Variants in KCTD8 observed in about 807,000 individuals in gnomAD.
The protein encoded by KCTD8 is BTB/POZ domain-containing protein KCTD8.
Under a neutral mutation model 31.5 loss-of-function variants are expected in KCTD8, and 27 were observed. That is an observed-to-expected ratio of 0.86 (90% CI 0.63 to 1.18). KCTD8 has a LOEUF of 1.18. Among genes scored for constraint, KCTD8 ranks in the 50% most tolerant of loss-of-function variants. The pLI is 0.00. For missense variants in KCTD8, 658 were observed against 647.7 expected (o/e 1.02, Z -0.17); for synonymous variants, 290 against 280.0 (o/e 1.04, Z -0.36).
At chr4:44,340,283 A>C (rs958493782) in intron 1 of KCTD8, among the ~76,000 whole-genome samples, 6 of 151,572 alleles carry the variant, frequency 4.0e-5, no homozygotes, top group African/African-American at 1.5e-4. Context: ...TAAAAGTTGG[A>C]GGCAACTTAC....
At chr4:44,351,915 C>G (rs964067082) in intron 1 of KCTD8, among the ~76,000 whole-genome samples, 13 of 152,078 alleles carry the variant, frequency 8.5e-5, no homozygotes, top group African/African-American at 2.9e-4. Flanking sequence ...TTAACTGTCA[C>G]AGCAGGCACA....
At chr4:44,316,795 G>GAAAAAAAAAAAAAAAAA (rs71188270) in intron 1 of KCTD8, among the ~76,000 whole-genome samples, 1 of 40,328 alleles carries the variant, frequency 2.5e-5, no homozygotes, top group Non-Finnish European at 6.5e-5. Context: ...CTAAAAATAC[G>GAAAAAAAAAAAAAAAAA]AAAAAAAAAA....
rs982321538 is a variant in KCTD8, at chr4:44,268,507, C to T, written c.962-93257G>A. 6.0e-4 allele frequency among the ~76,000 whole-genome samples: 92 copies of T among 152,210 alleles called. 1 individual carries two copies. The highest frequency in any genetic ancestry group is 2.2e-3 in the African/African-American group (90 of 41,528). On this transcript the variant is annotated intron_variant, in intron 1 of 1. Transcript: ENST00000360029. ...ACAAGACAGGGATGCCCTCTCTCAC[C>T]ACTCCTATTCAACACAGTATTGGAA...
At position 44,367,539 on chromosome 4, in the gene KCTD8, G is replaced by T. The variant is rs1719672701; in HGVS notation, c.961+80024C>A. On this transcript the variant is annotated intron_variant, in intron 1 of 1. Coordinates refer to ENST00000360029, the MANE Select transcript of KCTD8 (RefSeq NM_198353.3). ...TATAAAGAAGTACTTTCAAATACCA[G>T]AAAAATTAGAGTAAAAGGTATTTCC... Among the ~76,000 whole-genome samples, 3 of 152,034 alleles carry T rather than the reference G, an allele frequency of 2.0e-5. No homozygotes were observed. In the South Asian group the frequency reaches 6.2e-4, roughly 32 times the overall value.
At chr4:44,197,427 G>C (rs567602702) in intron 1 of KCTD8, among the ~76,000 whole-genome samples, 1 of 152,198 alleles carries the variant, frequency 6.6e-6, no homozygotes, top group Non-Finnish European at 1.5e-5. Flanking sequence ...ATCTGGGGAG[G>C]GGGTCATATC....
intron 1 of KCTD8, among the ~76,000 whole-genome samples, chr4:44,355,223 C>T (rs1035041544): frequency 6.6e-6 from 1 of 152,092 alleles, no homozygotes; most frequent in African/African-American, 2.4e-5. Flanking sequence ...ATTATCAAAA[C>T]ATGATTTTTT....
chr4:44,192,576 A>G (rs1488061365), intron 1 of KCTD8, among the ~76,000 whole-genome samples: 2 of 152,000 alleles, frequency 1.3e-5, no homozygotes, highest in African/African-American at 4.8e-5. Context: ...TTTTGTAGTA[A>G]AGTAAGTTTT....
chr4:44,344,010 C>T (rs1442054253), intron 1 of KCTD8, among the ~76,000 whole-genome samples: 1 of 151,928 alleles, frequency 6.6e-6, no homozygotes, highest in East Asian at 1.9e-4. Flanking sequence ...AGGCACACAC[C>T]ACCACACCCA....
At chr4:44,276,315 A>G (rs1716749376) in intron 1 of KCTD8, among the ~76,000 whole-genome samples, 2 of 152,024 alleles carry the variant, frequency 1.3e-5, no homozygotes, top group East Asian at 1.9e-4. Context: ...GTATGCTTCA[A>G]ATTAATACAT....
chr4:44,391,180 G>T (rs977857475), intron 1 of KCTD8, among the ~76,000 whole-genome samples: 1 of 151,890 alleles, frequency 6.6e-6, no homozygotes, highest in Non-Finnish European at 1.5e-5. Context: ...CAGGGGAAAG[G>T]GTGGGAGTGG....
intron 1 of KCTD8, among the ~76,000 whole-genome samples, chr4:44,241,351 T>C (rs1038526737): frequency 2.0e-5 from 3 of 152,236 alleles, no homozygotes; most frequent in Admixed American, 2.0e-4. Context: ...ATAACATCTA[T>C]TGAAAATAAC....
chr4:44,443,613 A>T (rs750704437), intron 1 of KCTD8, among the ~76,000 whole-genome samples: 10 of 152,318 alleles, frequency 6.6e-5, no homozygotes, highest in Admixed American at 2.6e-4. Flanking sequence ...ACAAAAAAAG[A>T]TATACCAAAT....
At chr4:44,222,141 G>C (rs1671802304) in intron 1 of KCTD8, among the ~76,000 whole-genome samples, 2 of 152,170 alleles carry the variant, frequency 1.3e-5, no homozygotes, top group South Asian at 4.1e-4. Flanking sequence ...AATTCACTCA[G>C]AGAAGCAGAA....
intron 1 of KCTD8, among the ~76,000 whole-genome samples, chr4:44,290,724 C>T (rs1178700836): frequency 4.0e-5 from 6 of 151,738 alleles, no homozygotes; most frequent in Non-Finnish European, 5.9e-5. Context: ...GGGTGAGCAA[C>T]AAAATTAAAG....
chr4:44,385,311 T>C (rs2109445797), intron 1 of KCTD8, among the ~76,000 whole-genome samples: 1 of 151,534 alleles, frequency 6.6e-6, no homozygotes, highest in South Asian at 2.1e-4. Context: ...CTATTACAGA[T>C]CTACAGGAAT....
At chr4:44,230,001 G>A (rs936683760) in intron 1 of KCTD8, among the ~76,000 whole-genome samples, 1 of 151,674 alleles carries the variant, frequency 6.6e-6, no homozygotes, top group East Asian at 1.9e-4. Context: ...CCTGGTGTGG[G>A]ATGTTCCCCT....
intron 1 of KCTD8, among the ~76,000 whole-genome samples, chr4:44,406,372 C>T (rs181311401): frequency 8.9e-4 from 136 of 152,208 alleles, no homozygotes; most frequent in African/African-American, 3.2e-3. Context: ...CCCATAATTC[C>T]CACCTGTTGT....
intron 1 of KCTD8, among the ~76,000 whole-genome samples, chr4:44,403,406 C>T (rs75929782): frequency 0.07 from 10,061 of 144,642 alleles, 423 homozygotes; most frequent in South Asian, 0.11. Flanking sequence ...GGACTTTATG[C>T]TAGTTTACTA....
At chr4:44,424,932 T>A (rs180947553) in intron 1 of KCTD8, among the ~76,000 whole-genome samples, 2 of 152,012 alleles carry the variant, frequency 1.3e-5, no homozygotes, top group South Asian at 4.2e-4. Flanking sequence ...CATTTGGAAA[T>A]AGGGTCTTTA....
Sources: allele counts gnomAD v4.1 joint callset (sites outside exome capture counted in the v4.1 genomes callset), GRCh38; gene constraint gnomAD v4.1.1; transcripts MANE v1.5; gene names NCBI Gene and HGNC (gene_info 2026-07-23, HGNC 2026-07-21).